DIAPH1: variants seen among roughly 807,000 people sequenced by gnomAD.
DIAPH1 encodes the protein protein diaphanous homolog 1.
In DIAPH1, 46 loss-of-function variants were observed where a neutral mutation model predicts 140.7. The ratio of observed to expected loss-of-function variants is 0.33; its 90% confidence interval spans 0.26 to 0.42. DIAPH1 has a LOEUF of 0.42. Ranked by LOEUF, DIAPH1 falls within the 10% of genes least tolerant of loss-of-function variation. The pLI, the probability that DIAPH1 is intolerant of heterozygous loss-of-function variation, is 1.00. For missense variants in DIAPH1, 1,310 were observed against 1,558.7 expected (o/e 0.84, Z 2.69); for synonymous variants, 565 against 551.6 (o/e 1.02, Z -0.34).
intron 5 of DIAPH1, 32 bp downstream of exon 5, chr5:141,583,453 T>A: frequency 6.2e-7 from 1 of 1,614,234 alleles, no homozygotes; most frequent in East Asian, 2.2e-5. Flanking sequence ...AACATTTGGC[T>A]CCTACTCCTG....
At chr5:141,552,385 G>A (rs997626925) in intron 18 of DIAPH1, among the ~76,000 whole-genome samples, 3 of 152,090 alleles carry the variant, frequency 2.0e-5, no homozygotes, top group Non-Finnish European at 2.9e-5. Flanking sequence ...GAGATACGAG[G>A]ACCAGAGTCA....
chr5:141,589,544 C>T (rs1039844942), intron 1 of DIAPH1, among the ~76,000 whole-genome samples: 10 of 148,170 alleles, frequency 6.7e-5, no homozygotes, highest in African/African-American at 2.5e-4. Context: ...ATTTCATTTA[C>T]ATTCAGTTCA....
At chr5:141,597,226 C>G (rs1342952447) in intron 1 of DIAPH1, among the ~76,000 whole-genome samples, 2 of 152,046 alleles carry the variant, frequency 1.3e-5, no homozygotes, top group African/African-American at 2.4e-5. Context: ...GGTGAAATTT[C>G]AAAACACCGG....
At chr5:141,541,705 G>A (rs78245874) in intron 18 of DIAPH1, among the ~76,000 whole-genome samples, 10 of 145,608 alleles carry the variant, frequency 6.9e-5, no homozygotes, top group Non-Finnish European at 6.1e-5. Context: ...AAAAAAGAAA[G>A]AAAAAGAAGA....
intron 16 of DIAPH1, 31 bp from the exon 17 acceptor site, chr5:141,572,071 G>A: frequency 6.8e-7 from 1 of 1,480,060 alleles, no homozygotes; most frequent in Non-Finnish European, 9.5e-7. Flanking sequence ...TTAAGAATTA[G>A]TAAACTGAGC....
rs1395726534 is a variant in DIAPH1, at chr5:141,528,797, T to C, written c.2923A>G (p.Asn975Asp). The C allele has an allele frequency of 6.2e-7, 1 of 1,614,238 alleles. No homozygotes were observed. The highest frequency in any genetic ancestry group is 1.1e-5 in the South Asian group (1 of 91,086). Residue 975 changes from asparagine (N) to aspartate (D), a missense_variant, in exon 22 of 28, where the codon AAT (asparagine) becomes GAT (aspartate). By Grantham distance (23) the Asn-to-Asp change is conservative. This residue lies in a region of DIAPH1 where 344 missense variants were observed against 512.2 expected (regional missense o/e 0.67). Coordinates refer to ENST00000389054, the MANE Select transcript of DIAPH1 (RefSeq NM_005219.5). The stretch of plus-strand genomic sequence containing the variant: ...ACAAGCAAGGTAATCTCTAGGAGAT[T>C]GGAAAAGCTCTCACTCTTACGTAAC... ...EELRKSESFS[N>D]LLEITLLVGN...
chr5:141,602,293 T>C (rs2099900274), intron 1 of DIAPH1, among the ~76,000 whole-genome samples: 1 of 152,188 alleles, frequency 6.6e-6, no homozygotes, highest in Non-Finnish European at 1.5e-5. Flanking sequence ...CTTGGCTCAC[T>C]GCAAGCTACG....
intron 18 of DIAPH1, among the ~76,000 whole-genome samples, chr5:141,567,393 G>C (rs904620234): frequency 6.6e-6 from 1 of 151,992 alleles, no homozygotes; most frequent in Non-Finnish European, 1.5e-5. Flanking sequence ...AAATCACAAG[G>C]GACTATTATC....
chr5:141,573,846 A>G lies in DIAPH1; in HGVS notation c.2004T>C (p.Ser668=). Residue 668 remains serine (S), a synonymous_variant, in exon 16 of 28, where the codon TCT becomes TCC. Transcript: ENST00000389054. ...GGGGGATGGCAGTACCTCCAGGCAA[A>G]GAAGAGGGTGAAGGGATGCCAACAC... The part of the protein sequence containing the change: ...PEGVGIPSPS[S]LPGGTAIPPP... 2 of 1,526,376 alleles carry G rather than the reference A, an allele frequency of 1.3e-6. No homozygotes were observed. Among genetic ancestry groups the G allele is most frequent in the South Asian group, 1.3e-5 (1 of 77,746 alleles). 94.6% of individuals were successfully genotyped at this position (1,526,376 alleles called of 1,614,324 possible).
chr5:141,533,228 A>G (rs2099888512), intron 19 of DIAPH1, among the ~76,000 whole-genome samples: 1 of 152,236 alleles, frequency 6.6e-6, no homozygotes, highest in Non-Finnish European at 1.5e-5. Context: ...TAGAGCCTAT[A>G]ACATAGCAGA....
intron 11 of DIAPH1, 143 bp from the exon 12 acceptor site, chr5:141,577,734 A>G: frequency 1.4e-6 from 1 of 693,436 alleles, no homozygotes; most frequent in East Asian, 2.7e-5. Context: ...AAACATCACC[A>G]GAAACTTTAA....
intron 18 of DIAPH1, among the ~76,000 whole-genome samples, chr5:141,568,290 CAAAAAAA>C: frequency 1.2e-5 from 1 of 84,764 alleles, no homozygotes; most frequent in South Asian, 3.6e-4. Flanking sequence ...GAAAATGAAA[CAAAAAAA>C]AAAAAAAAGA....
chr5:141,531,491 A>AATTT (rs1317064675), intron 19 of DIAPH1, among the ~76,000 whole-genome samples: 3 of 144,566 alleles, frequency 2.1e-5, no homozygotes, highest in African/African-American at 7.4e-5. Context: ...TTTTTATTTT[A>AATTT]ATTTATTTAT....
chr5:141,539,341 T>C (rs957432518), intron 18 of DIAPH1, among the ~76,000 whole-genome samples: 4 of 152,008 alleles, frequency 2.6e-5, no homozygotes, highest in South Asian at 4.1e-4. Flanking sequence ...TTAGTGTTAA[T>C]TGTATTAATT....
intron 18 of DIAPH1, among the ~76,000 whole-genome samples, chr5:141,542,906 T>C (rs1014658003): frequency 5.3e-5 from 8 of 152,162 alleles, no homozygotes; most frequent in Non-Finnish European, 8.8e-5. Context: ...ACTAATTCAA[T>C]TGGTGAAACT....
chr5:141,593,982 T>C (rs11951636), intron 1 of DIAPH1, among the ~76,000 whole-genome samples: 27,434 of 152,100 alleles, frequency 0.18, 2,756 homozygotes, highest in Admixed American at 0.3. Flanking sequence ...GTATTTTTAG[T>C]ATGGGGTTTC....
chr5:141,584,089 T>A (rs1375140517), intron 4 of DIAPH1, 35 bp downstream of exon 4: 1 of 1,338,044 alleles, frequency 7.5e-7, no homozygotes, highest in East Asian at 2.3e-5. Flanking sequence ...AAGGGCACAG[T>A]CTCCCATGTC....
intron 24 of DIAPH1, among the ~76,000 whole-genome samples, 200 bp downstream of exon 24, chr5:141,527,373 A>C (rs1297850230): frequency 3.9e-5 from 6 of 152,124 alleles, no homozygotes; most frequent in Non-Finnish European, 2.9e-5. Context: ...GCGTGATGGC[A>C]CCACTGCACT....
chr5:141,576,941 A>G, intron 12 of DIAPH1, 70 bp from the exon 13 acceptor site: 1 of 982,810 alleles, frequency 1.0e-6, no homozygotes, highest in Non-Finnish European at 1.6e-6. Flanking sequence ...TTCAGGACCA[A>G]GAAAACGTAA....
Sources: allele counts gnomAD v4.1 joint callset (sites outside exome capture counted in the v4.1 genomes callset), GRCh38; gene constraint gnomAD v4.1.1; regional missense constraint gnomAD v4.1.1; transcripts MANE v1.5; gene names NCBI Gene and HGNC (gene_info 2026-07-23, HGNC 2026-07-21).